The following EEF1AKMT2 variants were observed in gnomAD, a reference collection of about 807,000 sequenced individuals.
The protein encoded by EEF1AKMT2 is eukaryotic translation elongation factor 1 alpha lysine methyltransferase 2.
In EEF1AKMT2, 32 loss-of-function variants were observed where a neutral mutation model predicts 35.8. The observed-to-expected ratio is 0.89, with a 90% CI of 0.67 to 1.20. The LOEUF (loss-of-function observed/expected upper bound fraction) is 1.20, where lower values mean the gene tolerates loss of function less well. Among genes scored for constraint, EEF1AKMT2 ranks in the 50% most tolerant of loss-of-function variants. The pLI is 0.00. For missense variants in EEF1AKMT2, 330 were observed against 347.5 expected (o/e 0.95, Z 0.40); for synonymous variants, 121 against 133.7 (o/e 0.91, Z 0.65).
At chr10:124,771,116 T>C (rs969472629) in intron 4 of EEF1AKMT2, among the ~76,000 whole-genome samples, 11 of 152,062 alleles carry the variant, frequency 7.2e-5, no homozygotes, top group African/African-American at 2.4e-4. Context: ...TTTTTTTTTT[T>C]TGAGACAGAG....
rs1950613395 is a variant in EEF1AKMT2 at position 124,789,148 on chromosome 10, T to C, written c.186A>G (p.Glu62=). ...ACCTTATTAGTCGATTCATACTCTC[T>C]TCTCCAAACCTGTTAGAGAGAATCA... The part of the protein sequence containing the change: ...YGDTGEIWFG[E]ESMNRLIRWM... Residue 62 remains glutamate, a synonymous_variant, in exon 3 of 7, where the codon GAA becomes GAG. Coordinates refer to ENST00000368836, the MANE Select transcript of EEF1AKMT2 (RefSeq NM_212554.4). 1 of 1,610,148 alleles carries C rather than the reference T, an allele frequency of 6.2e-7. No homozygotes were observed. The highest frequency in any genetic ancestry group is 8.5e-7 in the Non-Finnish European group (1 of 1,176,970).
intron 3 of EEF1AKMT2, among the ~76,000 whole-genome samples, chr10:124,784,787 G>A (rs4962407): frequency 0.14 from 20,954 of 151,796 alleles, 1,659 homozygotes; most frequent in African/African-American, 0.2. Context: ...AAAAATTAGC[G>A]GGGCATGGTG....
rs761466858 is a variant in EEF1AKMT2, at chr10:124,774,686, T to C, written c.388A>G (p.Ile130Val). Residue 130 changes from isoleucine (I) to valine (V), a missense_variant, in exon 4 of 7, where the codon ATT (isoleucine) becomes GTT (valine). Ile to Val is a conservative substitution (Grantham distance 29, BLOSUM62 3). Coordinates refer to ENST00000368836, the MANE Select transcript of EEF1AKMT2 (RefSeq NM_212554.4). Reference protein sequence around the residue: ...SIIEKEGLSNIKLKVEDFLNL... With the variant: ...SIIEKEGLSNVKLKVEDFLNL... Reference sequence around the variant, plus strand: ...TAAATAATAGTTACCTTTAACTTAATGTTAGATAAACCTTCTTTTTCTATA... The same window carrying C: ...TAAATAATAGTTACCTTTAACTTAACGTTAGATAAACCTTCTTTTTCTATA... The C allele has an allele frequency of 9.9e-6, 14 of 1,413,656 alleles. No individual in the cohort carries two copies. The Admixed American group carries it at 1.0e-4, about 10-fold the overall frequency. 87.6% of individuals were successfully genotyped at this position (1,413,656 alleles called of 1,614,324 possible).
At chr10:124,786,919 A>C (rs1950589515) in intron 3 of EEF1AKMT2, among the ~76,000 whole-genome samples, 1 of 152,194 alleles carries the variant, frequency 6.6e-6, no homozygotes, top group African/African-American at 2.4e-5. Flanking sequence ...GAACCTATAC[A>C]GGTAAAGAAA....
At chr10:124,762,268 TA>T (rs1564899317) in intron 6 of EEF1AKMT2, 31 bp downstream of exon 6, 11 of 1,062,762 alleles carry the variant, frequency 1.0e-5, no homozygotes, top group Non-Finnish European at 1.3e-5. Context: ...ATTTTGCTTT[TA>T]AAAAATAAAT....
intron 6 of EEF1AKMT2, among the ~76,000 whole-genome samples, chr10:124,760,865 T>TTTTG (rs1019386473): frequency 6.6e-6 from 1 of 152,222 alleles, no homozygotes; most frequent in Non-Finnish European, 1.5e-5. Flanking sequence ...TGTCGAGTTT[T>TTTTG]TTTGTTTGTT....
Position 124,789,073 on chromosome 10 carries a change from T to C in EEF1AKMT2, c.261A>G (p.Gly87=). ...CAACCAGGAAAACACCATTTCCAGT[T>C]CCAATATCAAGCACTGAAGCATCCA... ...IPLDASVLDI[G]TGNGVFLVEL... The change falls in exon 3 of 7, where the codon GGA becomes GGG. Residue 87 remains glycine, a synonymous_variant. Coordinates refer to ENST00000368836, the MANE Select transcript of EEF1AKMT2 (RefSeq NM_212554.4). 6.2e-7 allele frequency: 1 copy of C among 1,613,368 alleles called. No homozygotes were observed. The highest frequency in any genetic ancestry group is 1.1e-5 in the South Asian group (1 of 90,998).
rs573373920 is a variant in EEF1AKMT2, at chr10:124,759,965, G to A, written c.*538C>T. Reference sequence around the variant, plus strand: ...CATCCAACACAAAATAGTATTTCTTGTTATATTTCATAAACAGTCTAACAA... The same window carrying A: ...CATCCAACACAAAATAGTATTTCTTATTATATTTCATAAACAGTCTAACAA... On this transcript the variant is annotated 3_prime_UTR_variant, in exon 7 of 7. Coordinates refer to ENST00000368836, the MANE Select transcript of EEF1AKMT2 (RefSeq NM_212554.4). 6.4e-6 allele frequency: 1 copy of A among 156,566 alleles called. No individual in the cohort carries two copies. Among genetic ancestry groups the A allele is most frequent in the African/African-American group, 2.4e-5 (1 of 41,732 alleles). The allele number at this position is 156,566 out of a possible 1,614,324, so 9.7% of individuals were successfully genotyped here. A position where few individuals can be genotyped will look rare whatever the true frequency, so the allele number is the denominator to read the frequency against.
At chr10:124,788,967 T>C in intron 3 of EEF1AKMT2, 76 bp downstream of exon 3, 1 of 906,734 alleles carries the variant, frequency 1.1e-6, no homozygotes, top group Non-Finnish European at 1.8e-6. Flanking sequence ...AGATGGTTAA[T>C]ATCCTCAATT....
intron 3 of EEF1AKMT2, among the ~76,000 whole-genome samples, chr10:124,788,814 T>A (rs993882743): frequency 6.7e-6 from 1 of 148,154 alleles, no homozygotes; most frequent in Non-Finnish European, 1.5e-5. Context: ...CTAGAAAAAT[T>A]AAGTGGCTTA....
intron 4 of EEF1AKMT2, chr10:124,766,270 T>G (rs553078892): frequency 2.6e-5 from 4 of 152,218 alleles, no homozygotes; most frequent in African/African-American, 9.6e-5. Flanking sequence ...CCTTCTCTAT[T>G]ATCACTGCTT....
At chr10:124,767,161 A>T (rs1415754893) in intron 4 of EEF1AKMT2, among the ~76,000 whole-genome samples, 11 of 120,336 alleles carry the variant, frequency 9.1e-5, no homozygotes, top group African/African-American at 4.6e-4. Context: ...ACTCCATCTT[A>T]AAAAAAAAAA....
chr10:124,774,360 G>T lies in EEF1AKMT2; in HGVS notation c.399+315C>A, dbSNP rs550425900. The stretch of plus-strand genomic sequence containing the variant: ...CCAGCCCTCCAGCCTGGGCAACTGA[G>T]CGAGACTCAGTCTCAAAAAAAAAAA... On this transcript the variant is annotated intron_variant, in intron 4 of 6. Coordinates refer to ENST00000368836, the MANE Select transcript of EEF1AKMT2 (RefSeq NM_212554.4). Among the ~76,000 whole-genome samples the T allele has an allele frequency of 2.5e-3, 262 of 102,960 alleles. 1 individual carries two copies. The highest frequency in any genetic ancestry group is 4.1e-3 in the Non-Finnish European group (231 of 56,826). 67.5% of individuals were successfully genotyped at this position (102,960 alleles called of 152,430 possible). A position where few individuals can be genotyped will look rare whatever the true frequency, so the allele number is the denominator to read the frequency against.
rs760808969 is a variant in EEF1AKMT2 at position 124,790,319 on chromosome 10, T to G, written c.130A>C (p.Arg44=). Residue 44 remains arginine (R), a synonymous_variant, in exon 2 of 7, where the codon AGA becomes CGA. Transcript: ENST00000368836. ...TATTCTCGGAAAGTTTGCAGTTCTCTCTCATAGACAGCATCCCAACTATGT... is the reference window on the plus strand; with the variant it reads ...TATTCTCGGAAAGTTTGCAGTTCTCGCTCATAGACAGCATCCCAACTATGT... ...TREHWDAVYE[R]ELQTFREYGD... 5 of 1,612,138 alleles carry G rather than the reference T, an allele frequency of 3.1e-6. No homozygotes were observed. In the African/African-American group the frequency reaches 4.0e-5, roughly 13 times the overall value.
At position 124,790,264 on chromosome 10, in the gene EEF1AKMT2, C is replaced by T; in HGVS notation, c.176+9G>A. The T allele has an allele frequency of 6.3e-7, 1 of 1,595,588 alleles. No homozygotes were observed. The highest frequency in any genetic ancestry group is 8.6e-7 in the Non-Finnish European group (1 of 1,163,208). On this transcript the variant is annotated intron_variant, in intron 2 of 6. Coordinates refer to ENST00000368836, the MANE Select transcript of EEF1AKMT2 (RefSeq NM_212554.4). ...TCTAGATTATAACTTGATTCTTTTC[C>T]TAACTCACCAGATTTCACCTGTATC... is the stretch of plus-strand genomic sequence containing the variant.
chr10:124,781,173 C>G (rs1017523411), intron 3 of EEF1AKMT2, among the ~76,000 whole-genome samples: 18 of 151,844 alleles, frequency 1.2e-4, no homozygotes, highest in African/African-American at 3.9e-4. Context: ...CTCGATCTCC[C>G]GACCTCGTGA....
chr10:124,767,219 C>T (rs1370467469), intron 4 of EEF1AKMT2, among the ~76,000 whole-genome samples: 1 of 131,544 alleles, frequency 7.6e-6, no homozygotes, highest in East Asian at 2.3e-4. Context: ...TGTATGAAAA[C>T]ATACCTTATA....
intron 2 of EEF1AKMT2, among the ~76,000 whole-genome samples, chr10:124,790,036 C>T (rs1287944185): frequency 2.6e-5 from 4 of 151,862 alleles, no homozygotes; most frequent in African/African-American, 7.3e-5. Flanking sequence ...GGACTACAGG[C>T]GCGCGCCACC....
intron 4 of EEF1AKMT2, among the ~76,000 whole-genome samples, chr10:124,769,612 TAC>T (rs1366329948): frequency 2.0e-5 from 3 of 152,156 alleles, no homozygotes; most frequent in African/African-American, 7.2e-5. Flanking sequence ...TACACTGTAT[TAC>T]AGTCTATTAA....
Sources: gnomAD v4.1 joint callset for allele counts (sites outside exome capture counted in the v4.1 genomes callset) on GRCh38, gnomAD v4.1.1 for gene constraint, MANE v1.5 for transcripts, NCBI Gene and HGNC (gene_info 2026-07-23, HGNC 2026-07-21) for gene names.